Variants in ASTN2 observed in about 807,000 individuals in gnomAD.
ASTN2 encodes the protein astrotactin 2, also known as astrotactin-2.
Under a neutral mutation model 139.8 loss-of-function variants are expected in ASTN2, and 54 were observed. The ratio of observed to expected loss-of-function variants is 0.39; its 90% confidence interval spans 0.31 to 0.48. ASTN2 has a LOEUF of 0.48. Among genes scored for constraint, ASTN2 ranks in the 20% least tolerant of loss-of-function variants. The pLI, the probability that ASTN2 is intolerant of heterozygous loss-of-function variation, is 0.95. For synonymous variants in ASTN2, 756 were observed against 719.5 expected (o/e 1.05, Z -0.81); for missense variants, 1,565 against 1,725.1 (o/e 0.91, Z 1.64).
intron 19 of ASTN2, among the ~76,000 whole-genome samples, chr9:116,508,102 G>A (rs1018218983): frequency 4.4e-4 from 67 of 152,074 alleles, no homozygotes; most frequent in Non-Finnish European, 8.2e-4. Flanking sequence ...TGTTGGTCAG[G>A]GTGGTCTTGA....
chr9:117,108,065 A>G (rs1406387851), intron 4 of ASTN2, among the ~76,000 whole-genome samples: 1 of 152,218 alleles, frequency 6.6e-6, no homozygotes, highest in Non-Finnish European at 1.5e-5. Context: ...GTATGGTACA[A>G]TCATTGAGTA....
At chr9:117,075,521 G>A (rs1318851253) in intron 5 of ASTN2, among the ~76,000 whole-genome samples, 2 of 151,628 alleles carry the variant, frequency 1.3e-5, no homozygotes, top group Admixed American at 6.6e-5. Context: ...GGAGGAGGGG[G>A]CAGGCTGATT....
intron 19 of ASTN2, among the ~76,000 whole-genome samples, chr9:116,614,327 C>A (rs1855720542): frequency 6.6e-6 from 1 of 152,100 alleles, no homozygotes; most frequent in Non-Finnish European, 1.5e-5. Context: ...AGTGCCATCC[C>A]CAGCAAGCTA....
rs184432771 is a variant in ASTN2, at chr9:117,093,952, C to T, written c.1276+2092G>A. Among the ~76,000 whole-genome samples the T allele has an allele frequency of 1.4e-4, 21 of 152,182 alleles. 4 individuals are homozygous for T. The highest frequency in any genetic ancestry group is 5.1e-4 in the African/African-American group (21 of 41,510). On this transcript the variant is annotated intron_variant, in intron 5 of 22. Transcript: ENST00000313400. ...CTCCTTTTCTTTTAGCATTTATCAC[C>T]ATCTAATAGATTTGTATTTTGATAT... is the stretch of plus-strand genomic sequence containing the variant.
At chr9:117,411,822 C>T (rs1831169571) in intron 1 of ASTN2, among the ~76,000 whole-genome samples, 1 of 152,186 alleles carries the variant, frequency 6.6e-6, no homozygotes, top group African/African-American at 2.4e-5. Context: ...TGGCCATGTC[C>T]GTATCCCCTG....
chr9:117,326,472 T>G (rs565264807), intron 1 of ASTN2, among the ~76,000 whole-genome samples: 1 of 152,086 alleles, frequency 6.6e-6, no homozygotes, highest in East Asian at 1.9e-4. Flanking sequence ...TACCAGTGAG[T>G]GCAAGCAGAG....
chr9:116,533,536 T>C (rs1851463976), intron 19 of ASTN2, among the ~76,000 whole-genome samples: 1 of 152,190 alleles, frequency 6.6e-6, no homozygotes, highest in South Asian at 2.1e-4. Flanking sequence ...AAATGTCCCA[T>C]CAACACCTAA....
At position 116,464,535 on chromosome 9, in the gene ASTN2, C is replaced by T. The variant is rs568838676; in HGVS notation, c.3498-21982G>A. ...TCAATATGTTGGTTATAATTATCTT[C>T]CTTGAGAGCAGTTATGTGGTCCATT... On this transcript the variant is annotated intron_variant, in intron 20 of 22. Transcript: ENST00000313400. 5.9e-5 allele frequency among the ~76,000 whole-genome samples: 9 copies of T among 152,238 alleles called. No individual in the cohort carries two copies. In the East Asian group the frequency reaches 1.7e-3, roughly 29 times the overall value.
chr9:116,439,193 CATTTT>C (rs1847753879), intron 22 of ASTN2, among the ~76,000 whole-genome samples: 2 of 102,780 alleles, frequency 1.9e-5, no homozygotes, highest in African/African-American at 7.4e-5. Context: ...TATTCAAATA[CATTTT>C]TTTTTTTTTT....
At chr9:117,330,428 G>A (rs1564149843) in intron 1 of ASTN2, among the ~76,000 whole-genome samples, 1 of 152,190 alleles carries the variant, frequency 6.6e-6, no homozygotes, top group Admixed American at 6.5e-5. Context: ...GGGACTCCCT[G>A]AGCATTGGTT....
At chr9:116,665,820 C>T (rs912868693) in intron 16 of ASTN2, among the ~76,000 whole-genome samples, 2 of 152,130 alleles carry the variant, frequency 1.3e-5, no homozygotes, top group Non-Finnish European at 1.5e-5. Context: ...TCCATTAATT[C>T]ATAATGTTCT....
intron 7 of ASTN2, among the ~76,000 whole-genome samples, chr9:117,001,091 A>G (rs372773918): frequency 2.3e-4 from 35 of 152,290 alleles, no homozygotes; most frequent in African/African-American, 7.2e-4. Flanking sequence ...CACCAAGACA[A>G]TTATATATAT....
intron 20 of ASTN2, among the ~76,000 whole-genome samples, chr9:116,459,926 G>T (rs919670384): frequency 4.6e-5 from 7 of 151,936 alleles, no homozygotes; most frequent in Admixed American, 2.6e-4. Context: ...AACTGAAAAC[G>T]TATCTCCACA....
chr9:116,594,519 C>T (rs572334880), intron 19 of ASTN2, among the ~76,000 whole-genome samples: 5 of 152,314 alleles, frequency 3.3e-5, no homozygotes, highest in South Asian at 2.1e-4. Context: ...AGACTGTCCA[C>T]GTAGCTAATA....
intron 11 of ASTN2, among the ~76,000 whole-genome samples, chr9:116,851,288 A>G (rs1033242654): frequency 2.6e-5 from 4 of 152,188 alleles, no homozygotes; most frequent in African/African-American, 4.8e-5. Flanking sequence ...AAGGGAGGAC[A>G]GGGTTACAAT....
At chr9:116,674,030 G>A (rs1859355286) in intron 16 of ASTN2, among the ~76,000 whole-genome samples, 1 of 152,172 alleles carries the variant, frequency 6.6e-6, no homozygotes, top group Admixed American at 6.5e-5. Context: ...AAGAAAAATG[G>A]TAACAGCTCT....
chr9:116,681,599 G>T (rs892979069), intron 16 of ASTN2, among the ~76,000 whole-genome samples: 3 of 152,154 alleles, frequency 2.0e-5, no homozygotes, highest in Non-Finnish European at 4.4e-5. Flanking sequence ...AAAGCTGGAA[G>T]CATCACGCTA....
chr9:116,837,722 A>G (rs554431987), intron 11 of ASTN2, among the ~76,000 whole-genome samples: 5 of 152,346 alleles, frequency 3.3e-5, no homozygotes, highest in African/African-American at 7.2e-5. Context: ...CTTACAAAAC[A>G]GAACAATTTG....
At chr9:116,676,021 A>C (rs1859478614) in intron 16 of ASTN2, among the ~76,000 whole-genome samples, 1 of 152,234 alleles carries the variant, frequency 6.6e-6, no homozygotes, top group Admixed American at 6.5e-5. Context: ...CATATTGGGC[A>C]GCATTTGCAA....
Sources: gnomAD v4.1 joint callset for allele counts (sites outside exome capture counted in the v4.1 genomes callset) on GRCh38, gnomAD v4.1.1 for gene constraint, MANE v1.5 for transcripts, NCBI Gene and HGNC (gene_info 2026-07-23, HGNC 2026-07-21) for gene names.